The following SHISA9 variants were observed in gnomAD, a reference collection of about 807,000 sequenced individuals.
The protein encoded by SHISA9 is protein shisa-9.
Under a neutral mutation model 38.0 loss-of-function variants are expected in SHISA9, and 13 were observed. That is an observed-to-expected ratio of 0.34 (90% CI 0.22 to 0.54). The LOEUF (loss-of-function observed/expected upper bound fraction) is 0.54, where lower values mean the gene tolerates loss of function less well. Ranked by LOEUF, SHISA9 falls within the 20% of genes least tolerant of loss-of-function variation. SHISA9 has a pLI of 0.91. For missense variants in SHISA9, 538 were observed against 575.8 expected (o/e 0.93, Z 0.67); for synonymous variants, 275 against 242.0 (o/e 1.14, Z -1.27).
At chr16:13,334,650 T>A in the SHISA9 span, among the ~76,000 whole-genome samples, 1 of 151,498 alleles carries the variant, frequency 6.6e-6, no homozygotes. Context: ...GGCGGGCGCC[T>A]GTAATCCCAG....
At chr16:12,965,724 T>C (rs1284850249) in intron 2 of SHISA9, among the ~76,000 whole-genome samples, 1 of 152,208 alleles carries the variant, frequency 6.6e-6, no homozygotes, top group Non-Finnish European at 1.5e-5. Flanking sequence ...GTTTGAGTAC[T>C]GTCCTCTATA....
intron 2 of SHISA9, among the ~76,000 whole-genome samples, chr16:13,146,454 T>C (rs531552850): frequency 2.6e-5 from 4 of 152,346 alleles, no homozygotes; most frequent in African/African-American, 7.2e-5. Flanking sequence ...ATGTAATGCA[T>C]AATAATTACA....
chr16:13,450,659 C>G, the SHISA9 span, among the ~76,000 whole-genome samples: 1 of 152,216 alleles, frequency 6.6e-6, no homozygotes, highest in African/African-American at 2.4e-5. Flanking sequence ...ATTATTATCT[C>G]CAATTTTACA....
Position 13,234,894 on chromosome 16 carries a change from T to C in SHISA9, c.896-136T>C, listed in dbSNP as rs148945318. ...GTCTTGTTCTAGGTGGAGTTTCTAG[T>C]GTGTCTTGTTTGGACTGTTGGCCCA... On this transcript the variant is annotated intron_variant, in intron 4 of 4. Transcript: ENST00000558583. The C allele has an allele frequency of 1.2e-3, 1,199 of 984,860 alleles. 23 individuals are homozygous for C. In the East Asian group the frequency reaches 0.029, roughly 24 times the overall value. The allele number at this position is 984,860 out of a possible 1,614,324, so 61.0% of individuals were successfully genotyped here. A position where few individuals can be genotyped will look rare whatever the true frequency, so the allele number is the denominator to read the frequency against.
intron 2 of SHISA9, among the ~76,000 whole-genome samples, chr16:13,177,543 T>C (rs892611630): frequency 6.6e-6 from 1 of 152,090 alleles, no homozygotes; most frequent in Admixed American, 6.5e-5. Context: ...ATTTTATTTT[T>C]TTTAAAAAGC....
chr16:13,151,813 T>C (rs2050501932), intron 2 of SHISA9, among the ~76,000 whole-genome samples: 1 of 152,240 alleles, frequency 6.6e-6, no homozygotes. Context: ...AATGGAGCCA[T>C]GGATTCGCTG....
At chr16:12,995,202 G>C (rs7184718) in intron 2 of SHISA9, among the ~76,000 whole-genome samples, 2 of 151,952 alleles carry the variant, frequency 1.3e-5, no homozygotes, top group Non-Finnish European at 2.9e-5. Context: ...ATCCATCCCC[G>C]CAAGCATTTC....
At chr16:13,167,864 A>T (rs1173032651) in intron 2 of SHISA9, among the ~76,000 whole-genome samples, 1 of 152,186 alleles carries the variant, frequency 6.6e-6, no homozygotes, top group Non-Finnish European at 1.5e-5. Flanking sequence ...AGCAGAACTT[A>T]GTGTGAGAAC....
intron 2 of SHISA9, among the ~76,000 whole-genome samples, chr16:13,189,594 G>T (rs1038822696): frequency 2.6e-5 from 4 of 152,280 alleles, no homozygotes; most frequent in African/African-American, 9.6e-5. Flanking sequence ...CACGACTTTT[G>T]TCTGAGTTAG....
At chr16:13,070,156 A>ATGTGTGTGTGTG (rs761815708) in intron 2 of SHISA9, among the ~76,000 whole-genome samples, 5 of 148,000 alleles carry the variant, frequency 3.4e-5, no homozygotes, top group South Asian at 2.1e-4. Context: ...GTGTGTGTGC[A>ATGTGTGTGTGTG]CGCATGTGTC....
intron 2 of SHISA9, among the ~76,000 whole-genome samples, chr16:12,929,425 G>T (rs1242401727): frequency 6.6e-6 from 1 of 152,172 alleles, no homozygotes; most frequent in African/African-American, 2.4e-5. Context: ...TAAAGAAAAT[G>T]TGGTACAGAT....
chr16:12,904,299 T>C (rs2071064073), intron 1 of SHISA9, among the ~76,000 whole-genome samples: 1 of 152,110 alleles, frequency 6.6e-6, no homozygotes, highest in Admixed American at 6.5e-5. Flanking sequence ...GGTTAACTAC[T>C]GCTGAAATCT....
chr16:13,285,469 T>C, the SHISA9 span, among the ~76,000 whole-genome samples: 157 of 148,826 alleles, frequency 1.1e-3, 1 homozygote, highest in Non-Finnish European at 1.9e-3. Flanking sequence ...GTAGTTTTTT[T>C]TTTTTTTTTT....
chr16:13,400,767 C>T, the SHISA9 span, among the ~76,000 whole-genome samples: 4 of 152,164 alleles, frequency 2.6e-5, no homozygotes, highest in Non-Finnish European at 5.9e-5. Flanking sequence ...ACATTGACCC[C>T]CAATAAGCCA....
intron 2 of SHISA9, among the ~76,000 whole-genome samples, chr16:13,113,236 GAGAACATCTTCCTGGTTT>G (rs2073997473): frequency 5.0e-5 from 7 of 139,128 alleles, no homozygotes; most frequent in Admixed American, 1.4e-4. Flanking sequence ...AAAAAAAATT[GAGAACATCTTCCTGGTTT>G]TCAGGCCTAG....
intron 2 of SHISA9, among the ~76,000 whole-genome samples, chr16:13,098,439 C>A (rs2073848030): frequency 6.6e-6 from 1 of 152,202 alleles, no homozygotes; most frequent in East Asian, 1.9e-4. Context: ...ATCCCAGCAA[C>A]CCAGGGAGTC....
At chr16:13,352,292 G>A in the SHISA9 span, among the ~76,000 whole-genome samples, 17 of 152,122 alleles carry the variant, frequency 1.1e-4, no homozygotes, top group Admixed American at 2.6e-4. Flanking sequence ...AGCAAAAACA[G>A]TTTCTTTTGA....
chr16:12,933,856 T>TG (rs1399248508), intron 2 of SHISA9, among the ~76,000 whole-genome samples: 1 of 152,008 alleles, frequency 6.6e-6, no homozygotes. Context: ...TATGTTATAG[T>TG]GGGGGAAGAC....
chr16:13,362,075 A>C, the SHISA9 span, among the ~76,000 whole-genome samples: 1,369 of 152,224 alleles, frequency 9.0e-3, 20 homozygotes, highest in African/African-American at 0.031. Context: ...GATTAAAAAT[A>C]GCTCCTGGCT....
Sources: gnomAD v4.1 joint callset for allele counts (sites outside exome capture counted in the v4.1 genomes callset) on GRCh38, gnomAD v4.1.1 for gene constraint, MANE v1.5 for transcripts, NCBI Gene and HGNC (gene_info 2026-07-23, HGNC 2026-07-21) for gene names.